C8orf34: variants seen among roughly 807,000 people sequenced by gnomAD.
C8orf34 encodes uncharacterized protein C8orf34.
Under a neutral mutation model 68.3 loss-of-function variants are expected in C8orf34, and 65 were observed. The ratio of observed to expected loss-of-function variants is 0.95; its 90% CI spans 0.78 to 1.17. The LOEUF (loss-of-function observed/expected upper bound fraction) is 1.17, where lower values mean the gene tolerates loss of function less well. Among genes scored for constraint, C8orf34 ranks in the 50% most tolerant of loss-of-function variants. The pLI is 0.00. For missense variants in C8orf34, 664 were observed against 655.4 expected (o/e 1.01, Z -0.14); for synonymous variants, 244 against 241.2 (o/e 1.01, Z -0.11).
rs79327541 is a variant in C8orf34, at chr8:68,446,623, C to T, written c.607+163C>T. On this transcript the variant is annotated intron_variant, in intron 3 of 13. Transcript: ENST00000518698. ...CTCCGCATTTACATTGATCTTCATT[C>T]ATACGTATGTATTTGCTTGCTTATA... The T allele has an allele frequency of 1.5e-3, 991 of 657,668 alleles. 5 individuals are homozygous for T. The African/African-American group carries it at 0.017, about 11-fold the overall frequency. The allele number at this position is 657,668 out of a possible 1,614,324, so 40.7% of individuals were successfully genotyped here.
intron 3 of C8orf34, among the ~76,000 whole-genome samples, chr8:68,453,168 G>A (rs184220825): frequency 1.6e-4 from 25 of 152,030 alleles, no homozygotes; most frequent in African/African-American, 4.8e-4. Flanking sequence ...TTTGATAACT[G>A]TAGTTTTGTG....
At chr8:68,644,088 G>A (rs1238776337) in intron 8 of C8orf34, among the ~76,000 whole-genome samples, 5 of 152,172 alleles carry the variant, frequency 3.3e-5, no homozygotes, top group Admixed American at 6.5e-5. Context: ...CATTTGGTAA[G>A]TGAATCTATG....
intron 1 of C8orf34, among the ~76,000 whole-genome samples, chr8:68,384,610 T>C (rs534559819): frequency 2.0e-5 from 3 of 152,328 alleles, no homozygotes; most frequent in Non-Finnish European, 4.4e-5. Context: ...GTTTATTCCA[T>C]AAGGGCATGG....
intron 10 of C8orf34, among the ~76,000 whole-genome samples, chr8:68,736,323 CA>C (rs1156546152): frequency 2.0e-5 from 3 of 152,018 alleles, no homozygotes; most frequent in Admixed American, 6.6e-5. Context: ...TTTATTATTT[CA>C]ACAAACCTAG....
chr8:68,468,633 T>G, intron 3 of C8orf34, 59 bp from the exon 4 acceptor site: 1 of 1,543,720 alleles, frequency 6.5e-7, no homozygotes, highest in East Asian at 2.3e-5. Context: ...TGATGATGAA[T>G]AGTCAGTTTG....
chr8:68,717,386 G>A (rs1821505569), intron 9 of C8orf34, among the ~76,000 whole-genome samples: 1 of 151,978 alleles, frequency 6.6e-6, no homozygotes, highest in South Asian at 2.1e-4. Context: ...CCAGCTACTC[G>A]GGAGGCTGAG....
Position 68,815,926 on chromosome 8 carries a change from T to C in C8orf34, c.1590T>C (p.Cys530=). Residue 530 remains cysteine, a synonymous_variant, in exon 13 of 14, where the codon TGT becomes TGC. Transcript: ENST00000518698. ...TTCTTTGCGTTCCATGCTCTTCTTGTCCTACGCTGGTCTACTCTGGTATGT... is the reference window on the plus strand; with the variant it reads ...TTCTTTGCGTTCCATGCTCTTCTTGCCCTACGCTGGTCTACTCTGGTATGT... ...DLLLCVPCSS[C]PTLVYSGL 2 of 1,613,854 alleles carry C rather than the reference T, an allele frequency of 1.2e-6. No individual in the cohort carries two copies. The highest frequency in any genetic ancestry group is 1.7e-6 in the Non-Finnish European group (2 of 1,179,796).
intron 1 of C8orf34, among the ~76,000 whole-genome samples, chr8:68,382,087 A>T (rs1808067060): frequency 6.6e-6 from 1 of 152,202 alleles, no homozygotes; most frequent in Non-Finnish European, 1.5e-5. Context: ...TCCATTCATG[A>T]TGTATTCCAT....
intron 10 of C8orf34, among the ~76,000 whole-genome samples, chr8:68,745,864 T>C (rs1308393785): frequency 1.3e-5 from 2 of 152,154 alleles, no homozygotes; most frequent in Non-Finnish European, 2.9e-5. Context: ...GGAATTGAAC[T>C]CAGGTCTGCA....
At chr8:68,392,838 C>G (rs894190731) in intron 1 of C8orf34, among the ~76,000 whole-genome samples, 1 of 151,996 alleles carries the variant, frequency 6.6e-6, no homozygotes, top group African/African-American at 2.4e-5. Context: ...ATATCATGTT[C>G]TTGGCTTCAG....
At chr8:68,470,284 T>C (rs1278456856) in intron 4 of C8orf34, among the ~76,000 whole-genome samples, 1 of 152,088 alleles carries the variant, frequency 6.6e-6, no homozygotes, top group East Asian at 1.9e-4. Flanking sequence ...AGTCTCTCAA[T>C]TTACCTAATA....
chr8:68,690,411 C>T (rs551370445), intron 8 of C8orf34, among the ~76,000 whole-genome samples: 4 of 152,116 alleles, frequency 2.6e-5, no homozygotes, highest in African/African-American at 9.6e-5. Flanking sequence ...GCTGCTGTAA[C>T]AAAATATCTT....
chr8:68,365,341 T>G (rs1158317397), intron 1 of C8orf34, among the ~76,000 whole-genome samples: 4 of 41,810 alleles, frequency 9.6e-5, no homozygotes, highest in Non-Finnish European at 9.1e-5. Context: ...GTACCATTCC[T>G]TCTGAAACTA....
intron 7 of C8orf34, among the ~76,000 whole-genome samples, chr8:68,590,576 G>A (rs1817357401): frequency 6.6e-6 from 1 of 152,128 alleles, no homozygotes; most frequent in Non-Finnish European, 1.5e-5. Flanking sequence ...TTTATCCCCT[G>A]TCGAAGCCAA....
chr8:68,815,543 C>T (rs1429899380), intron 12 of C8orf34, among the ~76,000 whole-genome samples: 1 of 152,122 alleles, frequency 6.6e-6, no homozygotes, highest in African/African-American at 2.4e-5. Context: ...GGCTTTCCTG[C>T]CTAATCCACC....
At chr8:68,504,515 C>CT (rs1275688750) in intron 5 of C8orf34, among the ~76,000 whole-genome samples, 5 of 151,786 alleles carry the variant, frequency 3.3e-5, no homozygotes, top group Admixed American at 6.6e-5. Context: ...AATTGATTTT[C>CT]TTTTTTTTCT....
chr8:68,459,434 T>A (rs888121523), intron 3 of C8orf34, among the ~76,000 whole-genome samples: 1 of 152,120 alleles, frequency 6.6e-6, no homozygotes, highest in Admixed American at 6.6e-5. Flanking sequence ...GGTTTCTCCA[T>A]GTTGGCCAGG....
In C8orf34 at chr8:68,612,638, C is replaced by G. The variant is rs561839251; in HGVS notation, c.1106-27738C>G. On this transcript the variant is annotated intron_variant, in intron 7 of 13. Transcript: ENST00000518698. ...CAATGAACATTTATTAAACATCTAT[C>G]ATATGCCAAGACCTATAATATGGCA... Among the ~76,000 whole-genome samples the G allele has an allele frequency of 2.6e-4, 39 of 152,232 alleles. No individual in the cohort carries two copies. The Middle Eastern group carries it at 0.01, about 40-fold the overall frequency.
chr8:68,400,464 A>G (rs1004336355), intron 1 of C8orf34, among the ~76,000 whole-genome samples: 2 of 152,160 alleles, frequency 1.3e-5, no homozygotes, highest in African/African-American at 4.8e-5. Context: ...TCCCTAGTGT[A>G]TGTTCTTCTC....
Sources: allele counts gnomAD v4.1 joint callset (sites outside exome capture counted in the v4.1 genomes callset), GRCh38; gene constraint gnomAD v4.1.1; transcripts MANE v1.5; gene names NCBI Gene and HGNC (gene_info 2026-07-23, HGNC 2026-07-21).